The following FCRL6 variants were observed in gnomAD, a reference collection of about 807,000 sequenced individuals.
The protein encoded by FCRL6 is Fc receptor-like protein 6.
FCRL6 carries 50 observed loss-of-function variants against 49.1 expected under a neutral mutation model. That is an observed-to-expected ratio of 1.02 (90% CI 0.81 to 1.29). FCRL6 has a LOEUF of 1.29. FCRL6 is among the 50% of genes most tolerant of loss of function. The pLI is 0.00. For missense variants in FCRL6, 571 were observed against 518.5 expected (o/e 1.10, Z -0.98); for synonymous variants, 213 against 199.6 (o/e 1.07, Z -0.57).
In FCRL6 at chr1:159,815,598, G is replaced by A. The variant is rs1663358459; in HGVS notation, c.1242G>A (p.Glu414=). 1 of 1,614,060 alleles carries A rather than the reference G, an allele frequency of 6.2e-7. No homozygotes were observed. The highest frequency in any genetic ancestry group is 8.5e-7 in the Non-Finnish European group (1 of 1,180,020). Reference sequence around the variant, plus strand: ...AGCCCAGTGAGGTTTCATCCACGGAGGTGAATATGAGAAGCAGGACTCTCC... The same window carrying A: ...AGCCCAGTGAGGTTTCATCCACGGAAGTGAATATGAGAAGCAGGACTCTCC... ...CLQPSEVSST[E]VNMRSRTLQE... is the part of the protein sequence containing the mutation. Residue 414 remains glutamate (E), a synonymous_variant, in exon 10 of 10, where the codon GAG becomes GAA. Coordinates refer to ENST00000368106, the MANE Select transcript of FCRL6 (RefSeq NM_001004310.3).
At chr1:159,800,552 A>G, upstream of FCRL6, 1 of 1,540,834 alleles carries the variant, frequency 6.5e-7, no homozygotes, top group Non-Finnish European at 8.8e-7. Flanking sequence ...GTTGAAGACA[A>G]CTCAGGAGAT....
At chr1:159,813,587 A>C (rs993436920) in intron 7 of FCRL6, 33 bp downstream of exon 7, 2 of 1,594,806 alleles carry the variant, frequency 1.3e-6, no homozygotes, top group East Asian at 2.2e-5. Flanking sequence ...TGGTGTGCCC[A>C]TGTGGGCCAA....
At chr1:159,813,941 C>T (rs1321077917) in intron 7 of FCRL6, among the ~76,000 whole-genome samples, 1 of 152,208 alleles carries the variant, frequency 6.6e-6, no homozygotes, top group Non-Finnish European at 1.5e-5. Flanking sequence ...AGAGATTATA[C>T]AGCTCACAAA....
chr1:159,814,253 G>T lies in FCRL6; in HGVS notation c.1108G>T (p.Val370Phe). Reference sequence around the variant, plus strand: ...CCAGAAAGGGAAAGATGAAGGTGTTGTCTACTCTGTGGTGCATAGAACCTC... The same window carrying T: ...CCAGAAAGGGAAAGATGAAGGTGTTTTCTACTCTGTGGTGCATAGAACCTC... The part of the protein sequence containing the change: ...HHQKGKDEGV[V>F]YSVVHRTSKR... Residue 370 changes from valine (V) to phenylalanine (F), a missense_variant, in exon 8 of 10, where the codon GTC becomes TTC. Val to Phe is a conservative substitution (Grantham distance 50). Coordinates refer to ENST00000368106, the MANE Select transcript of FCRL6 (RefSeq NM_001004310.3). 2 of 1,614,192 alleles carry T rather than the reference G, an allele frequency of 1.2e-6. No individual in the cohort carries two copies. The highest frequency in any genetic ancestry group is 1.3e-5 in the African/African-American group (1 of 75,058).
chr1:159,812,648 G>C (rs76808162), intron 6 of FCRL6, among the ~76,000 whole-genome samples: 1 of 152,328 alleles, frequency 6.6e-6, no homozygotes, highest in Non-Finnish European at 1.5e-5. Context: ...ATGAGCGTTG[G>C]AGAATGCTTA....
In FCRL6 at chr1:159,809,582, T is replaced by C. The variant is rs762747220; in HGVS notation, c.785T>C (p.Leu262Pro). The C allele has an allele frequency of 4.3e-6, 7 of 1,614,126 alleles. No homozygotes were observed. The highest frequency in any genetic ancestry group is 3.3e-4 in the Middle Eastern group (2 of 6,062). Residue 262 changes from leucine to proline, a missense_variant, in exon 5 of 10, where the codon CTC (leucine) becomes CCC (proline). By Grantham distance (98) the Leu-to-Pro change is moderately conservative. Coordinates refer to ENST00000368106, the MANE Select transcript of FCRL6 (RefSeq NM_001004310.3). ...SAPCGGTTSL[L>P]FPVKSEQDAG... ...CCCTGTGGTGGAACCACCTCCCTCC[T>C]CTTCCCAGTGAAGTCAGAACAGGAT... is the stretch of plus-strand genomic sequence containing the variant.
chr1:159,814,422 C>G, intron 8 of FCRL6, 130 bp downstream of exon 8: 1 of 676,186 alleles, frequency 1.5e-6, no homozygotes, highest in Non-Finnish European at 2.6e-6. Flanking sequence ...CCAAGACCAT[C>G]ATATTTATCT....
intron 8 of FCRL6, among the ~76,000 whole-genome samples, 173 bp from the exon 9 acceptor site, chr1:159,815,255 G>T (rs961442466): frequency 6.6e-6 from 1 of 152,234 alleles, no homozygotes; most frequent in Admixed American, 6.5e-5. Context: ...GTGTAGTCCA[G>T]CTGGAACTAG....
chr1:159,814,367 C>A, intron 8 of FCRL6, 75 bp downstream of exon 8: 1 of 1,023,360 alleles, frequency 9.8e-7, no homozygotes, highest in Non-Finnish European at 1.5e-6. Flanking sequence ...ATCACTACCA[C>A]TGTCATTACC....
rs1162136600 is a variant in FCRL6 at position 159,810,594 on chromosome 1, CCT to C, written c.1009+388_1009+389del. Among the ~76,000 whole-genome samples the C allele has an allele frequency of 2.6e-5, 4 of 151,578 alleles. No homozygotes were observed. In the South Asian group the frequency reaches 6.2e-4, roughly 24 times the overall value. The stretch of plus-strand genomic sequence containing the variant: ...ATGAGCAAAAAAAAAAAGGCCTCCA[CCT>C]CTCTCTCTCATTGAGCTCAGCAGAG... On this transcript the variant is annotated intron_variant, in intron 6 of 9. Transcript: ENST00000368106.
intron 4 of FCRL6, 65 bp from the exon 5 acceptor site, chr1:159,809,337 C>T (rs1423225418): frequency 2.6e-6 from 4 of 1,532,842 alleles, no homozygotes; most frequent in Non-Finnish European, 3.5e-6. Context: ...GAAGGGTCCC[C>T]AGGAGAGGAG....
upstream of FCRL6, among the ~76,000 whole-genome samples, chr1:159,802,072 C>T (rs1207769995): frequency 6.6e-6 from 1 of 152,170 alleles, no homozygotes; most frequent in Non-Finnish European, 1.5e-5. Flanking sequence ...CAAATTCGGG[C>T]AGTCTCTGGA....
chr1:159,807,407 C>G (rs964648103), intron 2 of FCRL6, among the ~76,000 whole-genome samples: 1 of 152,226 alleles, frequency 6.6e-6, no homozygotes, highest in Non-Finnish European at 1.5e-5. Flanking sequence ...GGGACAGATA[C>G]AGGCTGGGGA....
chr1:159,814,659 G>A (rs1663285698), intron 8 of FCRL6, among the ~76,000 whole-genome samples: 1 of 152,204 alleles, frequency 6.6e-6, no homozygotes, highest in South Asian at 2.1e-4. Context: ...ACAAAGAAAA[G>A]AGAGAAAAAA....
At chr1:159,804,277 T>C (rs554549324) in intron 1 of FCRL6, among the ~76,000 whole-genome samples, 1 of 152,324 alleles carries the variant, frequency 6.6e-6, no homozygotes, top group Non-Finnish European at 1.5e-5. Context: ...ATGATCCCTC[T>C]AGTTTCCATT....
chr1:159,803,560 C>G (rs61821624), intron 1 of FCRL6, among the ~76,000 whole-genome samples: 1 of 152,046 alleles, frequency 6.6e-6, no homozygotes, highest in African/African-American at 2.4e-5. Flanking sequence ...CACACTGAGG[C>G]GGGGACAGGA....
At position 159,809,053 on chromosome 1, in the gene FCRL6, C is replaced by T. The variant is rs753196366; in HGVS notation, c.412C>T (p.Pro138Ser). 1 of 1,613,958 alleles carries T rather than the reference C, an allele frequency of 6.2e-7. No homozygotes were observed. Among genetic ancestry groups the T allele is most frequent in the African/African-American group, 1.3e-5 (1 of 74,906 alleles). Residue 138 changes from proline to serine, a missense_variant, in exon 4 of 10, where the codon CCC becomes TCC. Physicochemically the swap from Pro to Ser is moderately conservative, Grantham distance 74. Transcript: ENST00000368106. ...CCTGAGATGTCAGACAAAGCTGCAC[C>T]CCCTGAGGTCAGCCTTGAGGCTCCT... ...VTLRCQTKLH[P>S]LRSALRLLFS...
chr1:159,801,421 G>A (rs917307556), upstream of FCRL6, among the ~76,000 whole-genome samples: 4 of 152,198 alleles, frequency 2.6e-5, no homozygotes. Flanking sequence ...ACTCAGTAGA[G>A]GATTGCATGG....
chr1:159,807,111 T>G (rs1279499888), intron 2 of FCRL6, among the ~76,000 whole-genome samples: 2 of 152,314 alleles, frequency 1.3e-5, no homozygotes, highest in Middle Eastern at 6.8e-3. Context: ...AATCTTGACC[T>G]CCAAGGACAT....
Sources: gnomAD v4.1 joint callset for allele counts (sites outside exome capture counted in the v4.1 genomes callset) on GRCh38, gnomAD v4.1.1 for gene constraint, MANE v1.5 for transcripts, NCBI Gene and HGNC (gene_info 2026-07-23, HGNC 2026-07-21) for gene names.